The following METTL22 variants were observed in gnomAD, a reference collection of about 807,000 sequenced individuals.
METTL22 encodes methyltransferase 22, Kin17 lysine, also known as methyltransferase-like protein 22.
A neutral mutation model predicts 48.4 loss-of-function variants in METTL22; 51 were observed. The ratio of observed to expected loss-of-function variants is 1.05; its 90% CI spans 0.84 to 1.33. The LOEUF (loss-of-function observed/expected upper bound fraction) is 1.33, where lower values mean the gene tolerates loss of function less well. Among genes scored for constraint, METTL22 ranks in the 40% most tolerant of loss-of-function variants. The pLI is 0.00. For synonymous variants in METTL22, 255 were observed against 214.1 expected (o/e 1.19, Z -1.67); for missense variants, 678 against 526.9 (o/e 1.29, Z -2.81).
Position 8,645,840 on chromosome 16 carries a change from T to G in METTL22, c.1180-268T>G, listed in dbSNP as rs1006956976. ...GAGATACGGCAACTCACTGCTATTCTGGTCTCTTCTGATTGTTTGACATCC... is the reference window on the plus strand; with the variant it reads ...GAGATACGGCAACTCACTGCTATTCGGGTCTCTTCTGATTGTTTGACATCC... On this transcript the variant is annotated intron_variant, in intron 10 of 10. Coordinates refer to ENST00000381920, the MANE Select transcript of METTL22 (RefSeq NM_024109.4). 7 of 1,025,738 alleles carry G rather than the reference T, an allele frequency of 6.8e-6. No individual in the cohort carries two copies. In the Admixed American group the frequency reaches 2.9e-4, roughly 43 times the overall value. The allele number at this position is 1,025,738 out of a possible 1,614,324, so 63.5% of individuals were successfully genotyped here.
chr16:8,655,753 A>G, the METTL22 span, among the ~76,000 whole-genome samples: 3 of 152,248 alleles, frequency 2.0e-5, no homozygotes, highest in African/African-American at 7.2e-5. Context: ...TCGTGTTCTC[A>G]TACCCACAGC....
chr16:8,666,692 A>G, the METTL22 span: 1 of 152,166 alleles, frequency 6.6e-6, no homozygotes, highest in African/African-American at 2.4e-5. Flanking sequence ...CACAGCCAGA[A>G]TATGAGCCCA....
intron 9 of METTL22, 62 bp downstream of exon 9, chr16:8,642,627 T>TA: frequency 6.8e-7 from 1 of 1,464,054 alleles, no homozygotes; most frequent in Non-Finnish European, 9.6e-7. Context: ...TCTCACCTCC[T>TA]AATTGTGTCC....
At chr16:8,660,544 C>T in the METTL22 span, among the ~76,000 whole-genome samples, 6 of 152,018 alleles carry the variant, frequency 3.9e-5, no homozygotes, top group East Asian at 9.6e-4. Flanking sequence ...TTCGAATTCT[C>T]ATTGGAGCCA....
At chr16:8,662,973 T>C in the METTL22 span, among the ~76,000 whole-genome samples, 3 of 120,398 alleles carry the variant, frequency 2.5e-5, no homozygotes, top group South Asian at 2.7e-4. Flanking sequence ...TTTGGGAGGC[T>C]GAAGCGGGTG....
intron 3 of METTL22, among the ~76,000 whole-genome samples, chr16:8,630,507 G>A (rs747114920): frequency 5.9e-5 from 9 of 152,048 alleles, no homozygotes; most frequent in African/African-American, 9.7e-5. Flanking sequence ...CAGAGCTTTC[G>A]AAAGAGGCTT....
the METTL22 span, among the ~76,000 whole-genome samples, chr16:8,655,228 G>A: frequency 6.6e-6 from 1 of 152,194 alleles, no homozygotes; most frequent in African/African-American, 2.4e-5. Context: ...TAAGACCTCT[G>A]CTAAGGCTAC....
intron 9 of METTL22, among the ~76,000 whole-genome samples, chr16:8,643,762 C>T (rs1212378705): frequency 3.3e-5 from 5 of 152,070 alleles, no homozygotes; most frequent in Non-Finnish European, 5.9e-5. Flanking sequence ...TACAGGCATG[C>T]GTCACCACAC....
intron 6 of METTL22, among the ~76,000 whole-genome samples, chr16:8,640,157 C>G (rs1285419783): frequency 5.3e-5 from 8 of 152,194 alleles, no homozygotes; most frequent in Admixed American, 5.2e-4. Flanking sequence ...TGCAGGTACC[C>G]TGTCTGCATT....
At chr16:8,654,581 ACT>A (rs1174627988), downstream of METTL22, among the ~76,000 whole-genome samples, 21 of 152,362 alleles carry the variant, frequency 1.4e-4, no homozygotes, top group Admixed American at 2.6e-4. Flanking sequence ...CCAAAATGCT[ACT>A]CTCTAACAAG....
At chr16:8,633,499 G>C (rs7203892) in intron 3 of METTL22, among the ~76,000 whole-genome samples, 11 of 152,166 alleles carry the variant, frequency 7.2e-5, no homozygotes, top group Non-Finnish European at 1.6e-4. Flanking sequence ...CCAGCTACTC[G>C]AGAGGCTTAG....
At chr16:8,661,676 C>T in the METTL22 span, among the ~76,000 whole-genome samples, 3 of 139,400 alleles carry the variant, frequency 2.2e-5, no homozygotes, top group Admixed American at 7.4e-5. Context: ...TAAAATTGAT[C>T]TCATTTATCT....
chr16:8,650,765 G>T (rs922676377), downstream of METTL22, among the ~76,000 whole-genome samples: 1 of 152,138 alleles, frequency 6.6e-6, no homozygotes, highest in Non-Finnish European at 1.5e-5. Context: ...TGGCTCATGC[G>T]TGTAATCCCG....
the METTL22 span, among the ~76,000 whole-genome samples, chr16:8,662,711 G>C: frequency 7.0e-6 from 1 of 143,662 alleles, no homozygotes; most frequent in Non-Finnish European, 1.5e-5. Context: ...TCCACTGGAG[G>C]TTCCTCAGAG....
chr16:8,646,624 G>C lies in METTL22; in HGVS notation c.*481G>C. On this transcript the variant is annotated 3_prime_UTR_variant, in exon 11 of 11. Transcript: ENST00000381920. ...GGGTATGCTCCACCCCATCACTCTG[G>C]TGAGGGCCCCATGAGAAGGAAGAGG... The C allele has an allele frequency of 2.2e-6, 1 of 459,444 alleles. No individual in the cohort carries two copies. Among genetic ancestry groups the C allele is most frequent in the Non-Finnish European group, 4.4e-6 (1 of 228,950 alleles). The allele number at this position is 459,444 out of a possible 1,614,324, so 28.5% of individuals were successfully genotyped here.
At chr16:8,643,850 G>C (rs1016884755) in intron 9 of METTL22, among the ~76,000 whole-genome samples, 6 of 152,182 alleles carry the variant, frequency 3.9e-5, no homozygotes, top group Non-Finnish European at 7.3e-5. Flanking sequence ...CTGACCTCAG[G>C]TGATCTGCCC....
chr16:8,666,582 T>A, the METTL22 span, among the ~76,000 whole-genome samples: 1 of 152,134 alleles, frequency 6.6e-6, no homozygotes, highest in Admixed American at 6.5e-5. Flanking sequence ...ACTCATGAAA[T>A]CTCTGAGATG....
Position 8,646,835 on chromosome 16 carries a change from C to T in METTL22, c.*692C>T, listed in dbSNP as rs770600672. 18 of 376,582 alleles carry T rather than the reference C, an allele frequency of 4.8e-5. No homozygotes were observed. Among genetic ancestry groups the T allele is most frequent in the South Asian group, 7.9e-5 (4 of 50,434 alleles). The allele number at this position is 376,582 out of a possible 1,614,324, so 23.3% of individuals were successfully genotyped here. ...CTTCCGCCTGGACTCATTTTCCCTC[C>T]GCCCCTTGGTCTCTCTGTCTTATCA... On this transcript the variant is annotated 3_prime_UTR_variant, in exon 11 of 11. Coordinates refer to ENST00000381920, the MANE Select transcript of METTL22 (RefSeq NM_024109.4).
At chr16:8,665,313 C>G in the METTL22 span, among the ~76,000 whole-genome samples, 1 of 151,978 alleles carries the variant, frequency 6.6e-6, no homozygotes, top group African/African-American at 2.4e-5. Flanking sequence ...CAAAATAAAA[C>G]AAAAATAGCT....
Sources: allele counts gnomAD v4.1 joint callset (sites outside exome capture counted in the v4.1 genomes callset), GRCh38; gene constraint gnomAD v4.1.1; transcripts MANE v1.5; gene names NCBI Gene and HGNC (gene_info 2026-07-23, HGNC 2026-07-21).